The following PDCD1LG2 variants were observed in gnomAD, a reference collection of about 807,000 sequenced individuals.
PDCD1LG2 encodes the protein programmed cell death 1 ligand 2, also known as B7 dendritic cell molecule.
A neutral mutation model predicts 28.2 loss-of-function variants in PDCD1LG2; 32 were observed. The observed-to-expected ratio is 1.13, with a 90% CI of 0.86 to 1.52. The LOEUF is 1.52. Ranked by LOEUF, PDCD1LG2 falls within the 40% of genes most tolerant of loss-of-function variation. PDCD1LG2 has a pLI of 0.00. For synonymous variants in PDCD1LG2, 116 were observed against 120.2 expected, an observed-to-expected ratio of 0.97 and a Z score of 0.23; for missense variants, 385 against 323.8, an observed-to-expected ratio of 1.19 and a Z score of -1.45.
intron 2 of PDCD1LG2, among the ~76,000 whole-genome samples, chr9:5,525,400 T>A (rs1469334607): frequency 1.4e-5 from 2 of 143,252 alleles, no homozygotes; most frequent in Non-Finnish European, 3.1e-5. Context: ...TCATTACAAA[T>A]AAATAAAAAC....
chr9:5,517,978 G>T lies in PDCD1LG2; in HGVS notation c.-14-4555G>T, dbSNP rs148410330. On this transcript the variant is annotated intron_variant, in intron 1 of 6. Coordinates refer to ENST00000397747, the MANE Select transcript of PDCD1LG2 (RefSeq NM_025239.4). The stretch of plus-strand genomic sequence containing the variant: ...GAAGCTGAATTAAGGTGATGGCAGT[G>T]GGGTGGAAGAAAGGAGAGCCACCAT... Among the ~76,000 whole-genome samples, 52 of 152,324 alleles carry T rather than the reference G, an allele frequency of 3.4e-4. 1 individual carries two copies. Among genetic ancestry groups the T allele is most frequent in the South Asian group, 4.1e-4 (2 of 4,826 alleles).
chr9:5,563,228 T>A lies in PDCD1LG2; in HGVS notation c.816+17T>A, dbSNP rs375910662. 46 of 1,596,434 alleles carry A rather than the reference T, an allele frequency of 2.9e-5. No homozygotes were observed. The highest frequency in any genetic ancestry group is 3.8e-5 in the Non-Finnish European group (44 of 1,166,168). On this transcript the variant is annotated intron_variant, in intron 6 of 6. Coordinates refer to ENST00000397747, the MANE Select transcript of PDCD1LG2 (RefSeq NM_025239.4). ...AACAGTGCTGTGAGTAAGCATGATT[T>A]TTACTTTTCTTTCTTACTTTCTTTT...
intron 6 of PDCD1LG2, among the ~76,000 whole-genome samples, chr9:5,565,866 C>A (rs1816656333): frequency 6.6e-6 from 1 of 151,840 alleles, no homozygotes; most frequent in Non-Finnish European, 1.5e-5. Context: ...TAACGTACAA[C>A]AATAACAAGT....
intron 1 of PDCD1LG2, among the ~76,000 whole-genome samples, chr9:5,515,838 A>G (rs1209806673): frequency 7.3e-6 from 1 of 137,820 alleles, no homozygotes; most frequent in Non-Finnish European, 1.5e-5. Context: ...CAGGAGAATC[A>G]CTTGAACCCG....
intron 1 of PDCD1LG2, among the ~76,000 whole-genome samples, chr9:5,519,408 C>A (rs188695848): frequency 1.7e-3 from 253 of 152,284 alleles, no homozygotes; most frequent in Non-Finnish European, 3.1e-3. Flanking sequence ...GCGGCAGTCC[C>A]TTCAGGGTCA....
Position 5,549,452 on chromosome 9 carries a change from T to A in PDCD1LG2, c.479T>A (p.Val160Asp), listed in dbSNP as rs1341280819. 2 of 1,614,198 alleles carry A rather than the reference T, an allele frequency of 1.2e-6. No homozygotes were observed. The highest frequency in any genetic ancestry group is 4.5e-5 in the East Asian group (2 of 44,884). The change falls in exon 4 of 7, where the codon GTT (valine) becomes GAT (aspartate). Residue 160 changes from valine (V) to aspartate (D), a missense_variant. Val to Asp is a radical substitution (Grantham distance 152, BLOSUM62 -3). Transcript: ENST00000397747. ...GAAGTATCCTGGCCAAACGTCAGCG[T>A]TCCTGCCAACACCAGCCACTCCAGG... ...LAEVSWPNVSVPANTSHSRTP... is the reference protein window; with the variant it reads ...LAEVSWPNVSDPANTSHSRTP...
rs1195096534 is a variant in PDCD1LG2, at chr9:5,570,050, C to T, written c.*91C>T. ...AGAATTCGGTGGCCTGCAGAGCTTG[C>T]CATTTGCACTTTTCAAATGCCTTTG... On this transcript the variant is annotated 3_prime_UTR_variant, in exon 7 of 7. Coordinates refer to ENST00000397747, the MANE Select transcript of PDCD1LG2 (RefSeq NM_025239.4). 6.5e-7 allele frequency: 1 copy of T among 1,527,554 alleles called. No homozygotes were observed. The highest frequency in any genetic ancestry group is 9.0e-7 in the Non-Finnish European group (1 of 1,106,330). 94.6% of individuals were successfully genotyped at this position (1,527,554 alleles called of 1,614,324 possible). A position where few individuals can be genotyped will look rare whatever the true frequency, so the allele number is the denominator to read the frequency against.
intron 1 of PDCD1LG2, among the ~76,000 whole-genome samples, chr9:5,522,170 T>C (rs562081137): frequency 2.0e-5 from 3 of 149,514 alleles, no homozygotes; most frequent in Middle Eastern, 3.4e-3. Context: ...CCATTATTCA[T>C]TTGACAAACA....
intron 1 of PDCD1LG2, among the ~76,000 whole-genome samples, chr9:5,511,841 C>A (rs563560122): frequency 6.6e-6 from 1 of 152,288 alleles, no homozygotes; most frequent in South Asian, 2.1e-4. Context: ...TGTTGGTGAG[C>A]TTTTCCATTG....
chr9:5,527,088 A>G (rs1482757229), intron 2 of PDCD1LG2, among the ~76,000 whole-genome samples: 1 of 152,270 alleles, frequency 6.6e-6, no homozygotes, highest in Non-Finnish European at 1.5e-5. Context: ...TCTATAAAAT[A>G]AAGTTTGAAG....
chr9:5,515,318 C>T (rs1820136425), intron 1 of PDCD1LG2, among the ~76,000 whole-genome samples: 1 of 152,170 alleles, frequency 6.6e-6, no homozygotes, highest in African/African-American at 2.4e-5. Context: ...GTTGTTTGAA[C>T]ATGTTCGTTT....
At chr9:5,559,120 A>G (rs1383543063) in intron 5 of PDCD1LG2, among the ~76,000 whole-genome samples, 1 of 152,316 alleles carries the variant, frequency 6.6e-6, no homozygotes, top group East Asian at 1.9e-4. Context: ...GGGAGAATGG[A>G]ATGGAGTCAC....
intron 2 of PDCD1LG2, among the ~76,000 whole-genome samples, chr9:5,532,155 G>A (rs1820495175): frequency 6.6e-6 from 1 of 152,174 alleles, no homozygotes; most frequent in Admixed American, 6.5e-5. Flanking sequence ...CAGGGTCTTT[G>A]CAACCTGGCA....
chr9:5,549,884 C>T (rs550296549), intron 4 of PDCD1LG2, among the ~76,000 whole-genome samples: 74 of 152,152 alleles, frequency 4.9e-4, no homozygotes, highest in African/African-American at 1.5e-3. Flanking sequence ...CCACATGCAG[C>T]GACTCCAAAG....
intron 4 of PDCD1LG2, among the ~76,000 whole-genome samples, chr9:5,554,888 C>T (rs948133794): frequency 2.0e-5 from 3 of 152,152 alleles, no homozygotes; most frequent in Admixed American, 2.0e-4. Context: ...GCCACTCTAG[C>T]ACTCAGTCTC....
intron 5 of PDCD1LG2, among the ~76,000 whole-genome samples, chr9:5,562,586 A>G (rs1162867640): frequency 6.6e-6 from 1 of 152,142 alleles, no homozygotes; most frequent in African/African-American, 2.4e-5. Context: ...AGACTTCACC[A>G]GTATACAATT....
chr9:5,520,738 A>G (rs1681696207), intron 1 of PDCD1LG2, among the ~76,000 whole-genome samples: 1 of 152,370 alleles, frequency 6.6e-6, no homozygotes, highest in Middle Eastern at 3.4e-3. Flanking sequence ...TTCTATAAAG[A>G]AACTGAAAAG....
chr9:5,557,918 G>A (rs1316341949), intron 5 of PDCD1LG2, among the ~76,000 whole-genome samples, 166 bp downstream of exon 5: 1 of 152,296 alleles, frequency 6.6e-6, no homozygotes, highest in East Asian at 1.9e-4. Context: ...GAAGAAAATG[G>A]CTCTCATCGT....
intron 1 of PDCD1LG2, among the ~76,000 whole-genome samples, chr9:5,521,678 C>T (rs1586793361): frequency 6.6e-6 from 1 of 152,272 alleles, no homozygotes; most frequent in East Asian, 1.9e-4. Flanking sequence ...TCTCCTGACC[C>T]AAACCCTCCA....
Sources: allele counts gnomAD v4.1 joint callset (sites outside exome capture counted in the v4.1 genomes callset), GRCh38; gene constraint gnomAD v4.1.1; transcripts MANE v1.5; gene names NCBI Gene and HGNC (gene_info 2026-07-23, HGNC 2026-07-21).